The following AMOTL1 variants were observed in gnomAD, a reference collection of about 807,000 sequenced individuals.
AMOTL1 encodes angiomotin like 1.
A neutral mutation model predicts 102.9 loss-of-function variants in AMOTL1; 45 were observed. The observed-to-expected ratio is 0.44, with a 90% confidence interval of 0.34 to 0.56. The LOEUF (loss-of-function observed/expected upper bound fraction) is 0.56, where lower values mean the gene tolerates loss of function less well. AMOTL1 is among the 20% of genes least tolerant of loss of function. The pLI, the probability that AMOTL1 is intolerant of heterozygous loss-of-function variation, is 0.01. For synonymous variants in AMOTL1, 481 were observed against 484.7 expected, an observed-to-expected ratio of 0.99 and a Z score of 0.10; for missense variants, 1,114 against 1,225.6, an observed-to-expected ratio of 0.91 and a Z score of 1.36.
chr11:94,708,910 A>G (rs1421853363), intron 1 of AMOTL1, among the ~76,000 whole-genome samples: 1 of 152,196 alleles, frequency 6.6e-6, no homozygotes, highest in Non-Finnish European at 1.5e-5. Flanking sequence ...CAGGTCTGCA[A>G]ATACCTGCGG....
chr11:94,844,307 G>A (rs1952363281), intron 6 of AMOTL1, among the ~76,000 whole-genome samples: 1 of 152,060 alleles, frequency 6.6e-6, no homozygotes, highest in African/African-American at 2.4e-5. Flanking sequence ...CTATTTTTAT[G>A]CCTTCATACC....
At chr11:94,739,816 G>A (rs1440689371) in intron 2 of AMOTL1, among the ~76,000 whole-genome samples, 1 of 152,186 alleles carries the variant, frequency 6.6e-6, no homozygotes, top group Non-Finnish European at 1.5e-5. Context: ...AGTCCTGGGG[G>A]CTGGGGGGAG....
At chr11:94,849,991 A>T in intron 6 of AMOTL1, 123 bp from the exon 7 acceptor site, 4 of 1,131,942 alleles carry the variant, frequency 3.5e-6, no homozygotes, top group Non-Finnish European at 4.9e-6. Flanking sequence ...CAGAAACAGC[A>T]ATTCAGTCCT....
At chr11:94,770,622 A>G (rs1263187757) in intron 1 of AMOTL1, among the ~76,000 whole-genome samples, 4 of 152,146 alleles carry the variant, frequency 2.6e-5, no homozygotes, top group Non-Finnish European at 5.9e-5. Context: ...TTTAAAATGC[A>G]CAGAAGTCTT....
chr11:94,799,480 C>G lies in AMOTL1; in HGVS notation c.290C>G (p.Thr97Arg). The change falls in exon 3 of 13, where the codon ACA becomes AGA. Residue 97 changes from threonine to arginine, a missense_variant. Transcript: ENST00000433060. This position sits in a 1 kb window ranked among gnomAD's most constrained non-coding sequence, Gnocchi z 4.5. ...MRGSEDAAAG[T>R]VLQRLIQEQL... is the part of the protein sequence containing the mutation. Reference sequence around the variant, plus strand: ...GGTTCCGAGGATGCGGCAGCTGGAACAGTATTGCAGCGGCTGATCCAGGAA... The same window carrying G: ...GGTTCCGAGGATGCGGCAGCTGGAAGAGTATTGCAGCGGCTGATCCAGGAA... 6.2e-7 allele frequency: 1 copy of G among 1,611,874 alleles called. No individual in the cohort carries two copies. The highest frequency in any genetic ancestry group is 2.2e-5 in the East Asian group (1 of 44,822).
At chr11:94,768,216 G>A (rs1201782139), upstream of AMOTL1, 4 of 1,113,286 alleles carry the variant, frequency 3.6e-6, no homozygotes, top group East Asian at 1.5e-4. Flanking sequence ...CCCGGGGAGG[G>A]GCGGCGGGTG....
intron 3 of AMOTL1, among the ~76,000 whole-genome samples, chr11:94,745,880 C>T (rs908532801): frequency 1.3e-5 from 2 of 152,122 alleles, no homozygotes; most frequent in Non-Finnish European, 2.9e-5. Context: ...TACAACTTAC[C>T]TAGTCTCCAA....
chr11:94,830,290 C>T, intron 5 of AMOTL1, 96 bp downstream of exon 5: 3 of 1,127,796 alleles, frequency 2.7e-6, no homozygotes, highest in South Asian at 1.7e-5. Flanking sequence ...GCCACAGGTA[C>T]TGGTCTACCT....
intron 5 of AMOTL1, among the ~76,000 whole-genome samples, 152 bp from the exon 6 acceptor site, chr11:94,831,300 C>A (rs1460128509): frequency 6.6e-6 from 1 of 152,214 alleles, no homozygotes; most frequent in Admixed American, 6.5e-5. Flanking sequence ...TATTTTGGGA[C>A]ATAGTTACTG....
intron 3 of AMOTL1, among the ~76,000 whole-genome samples, chr11:94,760,051 G>C (rs952576182): frequency 6.6e-6 from 1 of 152,232 alleles, no homozygotes; most frequent in African/African-American, 2.4e-5. Context: ...GTTTTAGCAA[G>C]CCCTTCAGGT....
At chr11:94,768,631 G>A (rs983949809) in intron 1 of AMOTL1, 71 bp downstream of exon 1, 1 of 1,548,906 alleles carries the variant, frequency 6.5e-7, no homozygotes, top group Non-Finnish European at 8.7e-7. Context: ...CAGTCGCCCC[G>A]GGCTCCCCGG....
At chr11:94,759,240 G>C (rs1950763328) in intron 3 of AMOTL1, among the ~76,000 whole-genome samples, 1 of 152,038 alleles carries the variant, frequency 6.6e-6, no homozygotes, top group African/African-American at 2.4e-5. Flanking sequence ...TGGATTTCAG[G>C]TGAGATGTGT....
chr11:94,854,434 G>T (rs534162284), intron 8 of AMOTL1, among the ~76,000 whole-genome samples: 96 of 152,296 alleles, frequency 6.3e-4, no homozygotes, highest in African/African-American at 2.2e-3. Flanking sequence ...ATATGGTAAA[G>T]GACAGGGCCC....
rs749562861 is a variant in AMOTL1, at chr11:94,866,022, G to A, written c.2342G>A (p.Gly781Glu). Residue 781 changes from glycine (G) to glutamate (E), a missense_variant, in exon 11 of 13, where the codon GGG (glycine) becomes GAG (glutamate). By Grantham distance (98) the Gly-to-Glu change is moderately conservative. Transcript: ENST00000433060. ...VLQQRSRKDA[G>E]KTDSSSLRPA... is the part of the protein sequence containing the mutation. ...CAGCAGCGATCTCGTAAAGATGCCGGGAAGACAGACTCCTCCAGCCTACGT... is the reference window on the plus strand; with the variant it reads ...CAGCAGCGATCTCGTAAAGATGCCGAGAAGACAGACTCCTCCAGCCTACGT... The A allele has an allele frequency of 5.0e-6, 8 of 1,613,836 alleles. No individual in the cohort carries two copies. In the African/African-American group the frequency reaches 1.1e-4, roughly 22 times the overall value.
chr11:94,811,682 A>G (rs1433495230), intron 3 of AMOTL1, among the ~76,000 whole-genome samples: 1 of 152,128 alleles, frequency 6.6e-6, no homozygotes. Flanking sequence ...TGGAAACAAC[A>G]ACAGAAACAA....
Position 94,770,819 on chromosome 11 carries a change from T to C in AMOTL1, c.49+2259T>C, listed in dbSNP as rs113929410. On this transcript the variant is annotated intron_variant, in intron 1 of 12. Transcript: ENST00000433060. ...GAATGCAGAAATGTGAGTGATTTTATGGGAAAGCACTCCGCTGATCAGACT... is the reference window on the plus strand; with the variant it reads ...GAATGCAGAAATGTGAGTGATTTTACGGGAAAGCACTCCGCTGATCAGACT... Among the ~76,000 whole-genome samples the C allele has an allele frequency of 5.5e-3, 831 of 152,318 alleles. 4 individuals are homozygous for C. The highest frequency in any genetic ancestry group is 0.019 in the African/African-American group (786 of 41,564).
chr11:94,864,908 C>T, intron 10 of AMOTL1, 48 bp downstream of exon 10: 1 of 1,585,630 alleles, frequency 6.3e-7, no homozygotes, highest in Non-Finnish European at 8.6e-7. Flanking sequence ...CATTCACACT[C>T]CAGGCCTTCC....
chr11:94,805,824 T>C (rs1951558961), intron 3 of AMOTL1, among the ~76,000 whole-genome samples: 1 of 152,214 alleles, frequency 6.6e-6, no homozygotes, highest in South Asian at 2.1e-4. Context: ...CATCCTAGGT[T>C]GATGAAAATA....
At chr11:94,835,586 T>C (rs965344664) in intron 6 of AMOTL1, among the ~76,000 whole-genome samples, 1 of 152,248 alleles carries the variant, frequency 6.6e-6, no homozygotes, top group Non-Finnish European at 1.5e-5. Context: ...TTTAAATAGT[T>C]ATGTTGGAGC....
Sources: gnomAD v4.1 joint callset for allele counts (sites outside exome capture counted in the v4.1 genomes callset) on GRCh38, gnomAD v4.1.1 for gene constraint, Gnocchi (gnomAD v3.1) non-coding constraint, MANE v1.5 for transcripts, NCBI Gene and HGNC (gene_info 2026-07-23, HGNC 2026-07-21) for gene names.